The following RUNX1T1 variants were observed in gnomAD, a reference collection of about 807,000 sequenced individuals.
RUNX1T1 encodes protein CBFA2T1.
A neutral mutation model predicts 62.8 loss-of-function variants in RUNX1T1; 4 were observed. That is an observed-to-expected ratio of 0.06 (90% confidence interval 0.03 to 0.15). RUNX1T1 has a LOEUF of 0.15. RUNX1T1 is among the 10% of genes least tolerant of loss of function. The pLI is 1.00. For synonymous variants in RUNX1T1, 291 were observed against 286.0 expected (o/e 1.02, Z -0.18); for missense variants, 508 against 754.3 (o/e 0.67, Z 3.82).
intron 1 of RUNX1T1, among the ~76,000 whole-genome samples, chr8:92,098,167 C>T (rs1837874789): frequency 6.6e-6 from 1 of 152,116 alleles, no homozygotes; most frequent in South Asian, 2.1e-4. Context: ...GTGAGAATTC[C>T]AACATATGAC....
At chr8:92,049,840 T>C (rs1030576349) in intron 1 of RUNX1T1, among the ~76,000 whole-genome samples, 1 of 152,140 alleles carries the variant, frequency 6.6e-6, no homozygotes, top group African/African-American at 2.4e-5. Context: ...ACTATGAAAA[T>C]AGTTGAAGGA....
downstream of RUNX1T1, chr8:91,956,092 G>T (rs1309438308): frequency 8.7e-6 from 2 of 230,160 alleles, no homozygotes; most frequent in African/African-American, 4.4e-5. Flanking sequence ...ACAAGAGTCA[G>T]AGCCTCATGA....
chr8:91,991,797 G>A, exon 6 of RUNX1T1: 1 of 1,614,090 alleles, frequency 6.2e-7, no homozygotes, highest in South Asian at 1.1e-5. Context: ...GCCGTTATTT[G>A]GACTGTACCG....
chr8:91,962,650 C>G (rs996112765), intron 10 of RUNX1T1, among the ~76,000 whole-genome samples: 12 of 152,230 alleles, frequency 7.9e-5, no homozygotes, highest in African/African-American at 2.9e-4. Context: ...GTATAATACT[C>G]AGTGCTCAGA....
chr8:92,090,167 C>T (rs1014888183), intron 1 of RUNX1T1, among the ~76,000 whole-genome samples: 6 of 150,816 alleles, frequency 4.0e-5, no homozygotes, highest in East Asian at 2.0e-4. Flanking sequence ...ATTAGTCAAG[C>T]GACTGCACAC....
intron 2 of RUNX1T1, among the ~76,000 whole-genome samples, chr8:92,069,522 A>G (rs1833371960): frequency 6.6e-6 from 1 of 152,190 alleles, no homozygotes; most frequent in Non-Finnish European, 1.5e-5. Flanking sequence ...ATCTATGCAC[A>G]CATACTAATC....
chr8:92,066,837 A>G (rs749382315), upstream of RUNX1T1, among the ~76,000 whole-genome samples: 10 of 152,366 alleles, frequency 6.6e-5, no homozygotes, highest in Non-Finnish European at 1.2e-4. Context: ...GGGAAAGAAA[A>G]AACTAAGTGA....
intron 1 of RUNX1T1, among the ~76,000 whole-genome samples, chr8:92,031,921 A>T (rs1406219702): frequency 6.6e-6 from 1 of 151,706 alleles, no homozygotes; most frequent in Non-Finnish European, 1.5e-5. Flanking sequence ...GTGAAACCCC[A>T]TCTCTACTAA....
chr8:91,990,156 T>G (rs1187878806), intron 6 of RUNX1T1, among the ~76,000 whole-genome samples: 2 of 152,082 alleles, frequency 1.3e-5, no homozygotes, highest in Admixed American at 1.3e-4. Context: ...TATATTAGGC[T>G]CTCTCTGCCT....
intron 5 of RUNX1T1, among the ~76,000 whole-genome samples, chr8:91,996,373 T>C (rs1818683306): frequency 6.6e-6 from 1 of 152,030 alleles, no homozygotes; most frequent in African/African-American, 2.4e-5. Context: ...GGCTAACTTT[T>C]TGTATTTTTA....
chr8:92,053,537 G>C (rs143616903), intron 1 of RUNX1T1, among the ~76,000 whole-genome samples: 10 of 152,280 alleles, frequency 6.6e-5, no homozygotes, highest in African/African-American at 2.2e-4. Flanking sequence ...CTTTCAGTAA[G>C]TATAATCAGG....
At chr8:92,074,767 A>T (rs1157586166) in intron 2 of RUNX1T1, among the ~76,000 whole-genome samples, 1 of 152,208 alleles carries the variant, frequency 6.6e-6, no homozygotes, top group African/African-American at 2.4e-5. Context: ...TCAACTGCTT[A>T]AACAATTGAA....
At chr8:91,968,631 A>G (rs1812143253) in intron 10 of RUNX1T1, among the ~76,000 whole-genome samples, 1 of 152,204 alleles carries the variant, frequency 6.6e-6, no homozygotes, top group African/African-American at 2.4e-5. Flanking sequence ...TTGCACTTTA[A>G]AGAATAAGAA....
intron 8 of RUNX1T1, among the ~76,000 whole-genome samples, chr8:91,983,073 A>G (rs951353315): frequency 5.3e-5 from 8 of 151,102 alleles, no homozygotes; most frequent in African/African-American, 7.3e-5. Context: ...GATTACAGGC[A>G]TGCGCCACCA....
At chr8:92,070,939 C>T (rs1407744850) in intron 2 of RUNX1T1, among the ~76,000 whole-genome samples, 5 of 152,226 alleles carry the variant, frequency 3.3e-5, no homozygotes, top group African/African-American at 4.8e-5. Context: ...TGTTTCCCAA[C>T]CCACAGCAAA....
intron 10 of RUNX1T1, 88 bp from the exon 12 acceptor site, chr8:91,960,605 C>T: frequency 7.2e-7 from 1 of 1,389,814 alleles, no homozygotes; most frequent in Non-Finnish European, 9.9e-7. Flanking sequence ...ATCACTGTAG[C>T]CTTATTTTCA....
chr8:92,071,830 AACTTCCGCAAGAACTG>A (rs1450500117), intron 2 of RUNX1T1, among the ~76,000 whole-genome samples: 2 of 152,178 alleles, frequency 1.3e-5, no homozygotes, highest in Non-Finnish European at 2.9e-5. Flanking sequence ...TCTGCATATC[AACTTCCGCAAGAACTG>A]CCCGGAGCAT....
chr8:92,023,376 CAT>C (rs1321576486), intron 1 of RUNX1T1, among the ~76,000 whole-genome samples: 2 of 152,092 alleles, frequency 1.3e-5, no homozygotes, highest in Admixed American at 6.5e-5. Context: ...ACCCTGAAAA[CAT>C]ATATTTGATA....
intron 1 of RUNX1T1, among the ~76,000 whole-genome samples, chr8:92,024,027 G>A (rs547812345): frequency 1.3e-5 from 2 of 152,296 alleles, no homozygotes; most frequent in South Asian, 2.1e-4. Context: ...AGTAATGAGA[G>A]ATTATCATGG....
Sources: allele counts gnomAD v4.1 joint callset (sites outside exome capture counted in the v4.1 genomes callset), GRCh38; gene constraint gnomAD v4.1.1; transcripts MANE v1.5; gene names NCBI Gene and HGNC (gene_info 2026-07-23, HGNC 2026-07-21).